STAMBP: variants seen among roughly 807,000 people sequenced by gnomAD.
STAMBP encodes the protein STAM-binding protein.
Under a neutral mutation model 50.7 loss-of-function variants are expected in STAMBP, and 31 were observed. The observed-to-expected ratio is 0.61, with a 90% CI of 0.46 to 0.83. The LOEUF (loss-of-function observed/expected upper bound fraction) is 0.83. Among genes scored for constraint, STAMBP ranks in the 40% least tolerant of loss-of-function variants. The pLI is 0.00. For missense variants in STAMBP, 472 were observed against 518.9 expected (o/e 0.91, Z 0.88); for synonymous variants, 211 against 192.4 (o/e 1.10, Z -0.80).
At chr2:73,867,508 C>A (rs1454951168), downstream of STAMBP, among the ~76,000 whole-genome samples, 1 of 152,132 alleles carries the variant, frequency 6.6e-6, no homozygotes, top group Non-Finnish European at 1.5e-5. Context: ...CACGCCATTG[C>A]ACTCCAGCCT....
chr2:73,857,618 C>A (rs1046548360), intron 7 of STAMBP, among the ~76,000 whole-genome samples: 2 of 152,196 alleles, frequency 1.3e-5, no homozygotes, highest in Non-Finnish European at 2.9e-5. Flanking sequence ...GGTATGTCAT[C>A]TATAACCATG....
intron 2 of STAMBP, among the ~76,000 whole-genome samples, chr2:73,838,566 C>T (rs1249746501): frequency 6.6e-6 from 1 of 152,154 alleles, no homozygotes; most frequent in Non-Finnish European, 1.5e-5. Flanking sequence ...CTTAGCTGTA[C>T]TAATAAACTC....
At chr2:73,867,252 T>C (rs1458465005), downstream of STAMBP, 1 of 152,140 alleles carries the variant, frequency 6.6e-6, no homozygotes, top group Non-Finnish European at 1.5e-5. Flanking sequence ...ATTGTGAAAA[T>C]TAAAAATTAA....
rs1194320747 is a variant in STAMBP, at chr2:73,847,447, A to C, written c.436A>C (p.Lys146Gln). Reference sequence around the variant, plus strand: ...CATCCAGCAAGAGCTGGAAAAGGAAAAACAGAGGGTAGCACAACAGAAGCA... The same window carrying C: ...CATCCAGCAAGAGCTGGAAAAGGAACAACAGAGGGTAGCACAACAGAAGCA... ...MAIQQELEKEKQRVAQQKQQQ... is the reference protein window; with the variant it reads ...MAIQQELEKEQQRVAQQKQQQ... The change falls in exon 5 of 10, where the codon AAA becomes CAA. Residue 146 changes from lysine to glutamine, a missense_variant. Physicochemically the swap from Lys to Gln is moderately conservative, Grantham distance 53 (BLOSUM62 1). Transcript: ENST00000394070. 6.2e-7 allele frequency: 1 copy of C among 1,613,950 alleles called. No individual in the cohort carries two copies. The highest frequency in any genetic ancestry group is 8.5e-7 in the Non-Finnish European group (1 of 1,179,866).
At chr2:73,857,708 A>G (rs553973631) in intron 7 of STAMBP, among the ~76,000 whole-genome samples, 2 of 151,958 alleles carry the variant, frequency 1.3e-5, no homozygotes, top group South Asian at 4.2e-4. Context: ...TTCATCAGAC[A>G]CTCTACAGAA....
chr2:73,850,612 T>A lies in STAMBP; in HGVS notation c.1005+99T>A. On this transcript the variant is annotated intron_variant, in intron 7 of 9. Transcript: ENST00000394070. This position sits in a 1 kb window ranked among gnomAD's most constrained non-coding sequence, Gnocchi z 4.3. ...TGAACAAAGTCAATTATATCCAGAT[T>A]ATTTATTGTTTTTCTCTCTTTTGGA... The A allele has an allele frequency of 7.5e-7, 1 of 1,325,056 alleles. No homozygotes were observed. Among genetic ancestry groups the A allele is most frequent in the South Asian group, 1.8e-5 (1 of 57,080 alleles). 82.1% of individuals were successfully genotyped at this position (1,325,056 alleles called of 1,614,324 possible). A position where few individuals can be genotyped will look rare whatever the true frequency, so the allele number is the denominator to read the frequency against.
chr2:73,859,209 C>T (rs1201535765), intron 7 of STAMBP, 45 bp from the exon 8 acceptor site: 2 of 1,501,056 alleles, frequency 1.3e-6, no homozygotes, highest in Non-Finnish European at 1.9e-6. Context: ...GAGGGATTAC[C>T]ATATATCCTC....
At chr2:73,859,456 T>G in intron 8 of STAMBP, 90 bp downstream of exon 8, 1 of 1,024,134 alleles carries the variant, frequency 9.8e-7, no homozygotes, top group Non-Finnish European at 1.5e-6. Flanking sequence ...TGTGGACTTG[T>G]CCTTTGTAAA....
rs529581592 is a variant in STAMBP at position 73,840,777 on chromosome 2, T to A, written c.204-4036T>A. On this transcript the variant is annotated intron_variant, in intron 2 of 9. Coordinates refer to ENST00000394070, the MANE Select transcript of STAMBP (RefSeq NM_213622.4). ...AAAAATAAATAAATCAAAAAAAAAATAAATAGTACAAATTAAAAATAAAGG... is the reference window on the plus strand; with the variant it reads ...AAAAATAAATAAATCAAAAAAAAAAAAAATAGTACAAATTAAAAATAAAGG... Among the ~76,000 whole-genome samples, 27 of 151,146 alleles carry A rather than the reference T, an allele frequency of 1.8e-4. 1 individual carries two copies. Among genetic ancestry groups the A allele is most frequent in the African/African-American group, 6.3e-4 (26 of 41,254 alleles).
intron 10 of STAMBP, among the ~76,000 whole-genome samples, chr2:73,872,526 C>G (rs1470020947): frequency 3.3e-5 from 5 of 149,722 alleles, no homozygotes; most frequent in African/African-American, 1.0e-4. Flanking sequence ...GTTACGCTCT[C>G]TGTCCTCAAG....
chr2:73,862,446 T>G lies in STAMBP; in HGVS notation c.*187T>G, dbSNP rs1678446223. On this transcript the variant is annotated 3_prime_UTR_variant, in exon 10 of 10. Transcript: ENST00000394070. Reference sequence around the variant, plus strand: ...TAACTGAACATATTTTTTAGGCAAGTCAGAAAGAGAACATGGTCACCCAAA... The same window carrying G: ...TAACTGAACATATTTTTTAGGCAAGGCAGAAAGAGAACATGGTCACCCAAA... 8 of 430,610 alleles carry G rather than the reference T, an allele frequency of 1.9e-5. No homozygotes were observed. The East Asian group carries it at 3.0e-4, about 16-fold the overall frequency. The allele number at this position is 430,610 out of a possible 1,614,324, so 26.7% of individuals were successfully genotyped here. A position where few individuals can be genotyped will look rare whatever the true frequency, so the allele number is the denominator to read the frequency against.
chr2:73,858,371 T>C (rs1677859345), intron 7 of STAMBP, among the ~76,000 whole-genome samples: 1 of 152,004 alleles, frequency 6.6e-6, no homozygotes, highest in African/African-American at 2.4e-5. Flanking sequence ...ACTCCTGACC[T>C]CAAATGATCT....
At chr2:73,835,247 G>A (rs115920572) in intron 2 of STAMBP, among the ~76,000 whole-genome samples, 5,502 of 151,662 alleles carry the variant, frequency 0.036, 123 homozygotes, top group Non-Finnish European at 0.056. Context: ...CCAGCTACCC[G>A]AGAGGCTGAG....
chr2:73,872,883 G>A (rs901038921), intron 10 of STAMBP, among the ~76,000 whole-genome samples: 9 of 152,296 alleles, frequency 5.9e-5, no homozygotes, highest in African/African-American at 1.9e-4. Context: ...CAGGAATAAA[G>A]TAAAACACGT....
chr2:73,848,164 C>G (rs1558578111), intron 5 of STAMBP, among the ~76,000 whole-genome samples: 1 of 148,230 alleles, frequency 6.7e-6, no homozygotes, highest in Non-Finnish European at 1.5e-5. Flanking sequence ...TCCCCTCCCA[C>G]TTTTTTTTTT....
At chr2:73,873,494 CCTTA>C (rs1463271383) in exon 11 of STAMBP, 4 of 152,164 alleles carry the variant, frequency 2.6e-5, no homozygotes, top group Non-Finnish European at 5.9e-5. Flanking sequence ...GTGGTTGTCT[CCTTA>C]CTTATGAACT....
chr2:73,872,805 A>G (rs983775424), intron 10 of STAMBP, among the ~76,000 whole-genome samples: 1 of 152,230 alleles, frequency 6.6e-6, no homozygotes, highest in African/African-American at 2.4e-5. Flanking sequence ...TGTGTAAAAT[A>G]TGAGAAAGAG....
At position 73,850,254 on chromosome 2, in the gene STAMBP, C is replaced by A; in HGVS notation, c.868-122C>A. 1 of 1,301,236 alleles carries A rather than the reference C, an allele frequency of 7.7e-7. No individual in the cohort carries two copies. The highest frequency in any genetic ancestry group is 1.0e-6 in the Non-Finnish European group (1 of 953,554). 80.6% of individuals were successfully genotyped at this position (1,301,236 alleles called of 1,614,324 possible). The stretch of plus-strand genomic sequence containing the variant: ...GGTTGTGAACCACTGAGTGGCAGGA[C>A]TCCTGCTGTGTGGGAAGGGCTTTCA... On this transcript the variant is annotated intron_variant, in intron 6 of 9. Coordinates refer to ENST00000394070, the MANE Select transcript of STAMBP (RefSeq NM_213622.4). This position sits in a 1 kb window ranked among gnomAD's most constrained non-coding sequence, Gnocchi z 4.3.
intron 4 of STAMBP, among the ~76,000 whole-genome samples, chr2:73,845,488 T>C (rs1178414912): frequency 6.6e-6 from 1 of 152,194 alleles, no homozygotes; most frequent in Admixed American, 6.5e-5. Context: ...AGAAAATCTG[T>C]CGCCTACCTG....
Sources: gnomAD v4.1 joint callset for allele counts (sites outside exome capture counted in the v4.1 genomes callset) on GRCh38, gnomAD v4.1.1 for gene constraint, Gnocchi (gnomAD v3.1) non-coding constraint, MANE v1.5 for transcripts, NCBI Gene and HGNC (gene_info 2026-07-23, HGNC 2026-07-21) for gene names.